Variants in DGCR8 observed in about 807,000 individuals in gnomAD.
DGCR8 encodes DGCR8 microprocessor complex subunit, also known as microprocessor complex subunit DGCR8.
Under a neutral mutation model 78.5 loss-of-function variants are expected in DGCR8, and 14 were observed. The observed-to-expected ratio is 0.18, with a 90% CI of 0.12 to 0.28. The LOEUF (loss-of-function observed/expected upper bound fraction) is 0.28, where lower values mean the gene tolerates loss of function less well. DGCR8 is among the 10% of genes least tolerant of loss of function. DGCR8 has a pLI of 1.00. For synonymous variants in DGCR8, 399 were observed against 402.4 expected, an observed-to-expected ratio of 0.99 and a Z score of 0.10; for missense variants, 702 against 1,022.5, an observed-to-expected ratio of 0.69 and a Z score of 4.28.
In DGCR8 at chr22:20,106,612, C is replaced by G; in HGVS notation, c.1910C>G (p.Thr637Arg). 1 of 1,613,628 alleles carries G rather than the reference C, an allele frequency of 6.2e-7. No individual in the cohort carries two copies. Among genetic ancestry groups the G allele is most frequent in the Non-Finnish European group, 8.5e-7 (1 of 1,179,520 alleles). Residue 637 changes from threonine (T) to arginine (R), a missense_variant, in exon 11 of 14, where the codon ACG becomes AGG. Thr to Arg is a moderately conservative substitution (Grantham distance 71). Coordinates refer to ENST00000351989, the MANE Select transcript of DGCR8 (RefSeq NM_022720.7). ...TAAAGAAACCATGGGATGGGTGACA[C>G]GTCTATCAAGTTTGAAGTGGTTCCT... ...CLKRNHGMGD[T>R]SIKFEVVPGK...
intron 9 of DGCR8, among the ~76,000 whole-genome samples, chr22:20,104,490 T>C (rs1289116237): frequency 6.6e-6 from 1 of 152,198 alleles, no homozygotes; most frequent in Non-Finnish European, 1.5e-5. Flanking sequence ...TGCCAGAAAC[T>C]TCTGAGCGTG....
Position 20,086,275 on chromosome 22 carries a change from G to C in DGCR8, c.312G>C (p.Ala104=), listed in dbSNP as rs1012463946. 2.5e-6 allele frequency: 4 copies of C among 1,614,028 alleles called. No individual in the cohort carries two copies. The African/African-American group carries it at 4.0e-5, about 16-fold the overall frequency. ...CGCGCACCGCCCGGCACGCACCTGC[G>C]GTCCGGAAGTTCTCCCCTGACCTTA... ...HSPRTARHAP[A]VRKFSPDLKL... The change falls in exon 2 of 14, where the codon GCG becomes GCC. Residue 104 remains alanine, a synonymous_variant. Transcript: ENST00000351989. The surrounding 1 kb of genome is among the most constrained non-coding windows in gnomAD (Gnocchi z 6.4).
rs986558441 is a variant in DGCR8 at position 20,110,364 on chromosome 22, C to G, written c.*256C>G. ...GACTCAGCGACTGCACCAGTGGCAG[C>G]TGGTGACTGTGGACAGTGGTGGACC... On this transcript the variant is annotated 3_prime_UTR_variant, in exon 14 of 14. Transcript: ENST00000351989. 9.9e-6 allele frequency: 5 copies of G among 506,188 alleles called. No individual in the cohort carries two copies. The highest frequency in any genetic ancestry group is 5.8e-5 in the African/African-American group (3 of 51,590). The allele number at this position is 506,188 out of a possible 1,614,324, so 31.4% of individuals were successfully genotyped here. A position where few individuals can be genotyped will look rare whatever the true frequency, so the allele number is the denominator to read the frequency against.
Position 20,080,316 on chromosome 22 carries a change from T to A in DGCR8, c.-345T>A. ...CAGGCTTTCCAGATGGCTGCGGCGG[T>A]CGGTCGGTGAGGCTTTCCCGGCTGT... On this transcript the variant is annotated 5_prime_UTR_variant, in exon 1 of 14. Transcript: ENST00000351989. 2.0e-6 allele frequency: 2 copies of A among 980,454 alleles called. No individual in the cohort carries two copies. The highest frequency in any genetic ancestry group is 2.4e-6 in the Non-Finnish European group (2 of 828,062). 60.7% of individuals were successfully genotyped at this position (980,454 alleles called of 1,614,324 possible).
At chr22:20,098,504 T>C (rs2049657306) in intron 9 of DGCR8, among the ~76,000 whole-genome samples, 1 of 152,220 alleles carries the variant, frequency 6.6e-6, no homozygotes, top group East Asian at 1.9e-4. Context: ...ATATGGCAAC[T>C]CTGGAAATCA....
Position 20,106,585 on chromosome 22 carries a change from C to T in DGCR8, c.1890-7C>T, listed in dbSNP as rs752224386. 4.3e-6 allele frequency: 7 copies of T among 1,609,256 alleles called. No homozygotes were observed. The South Asian group carries it at 7.7e-5, about 18-fold the overall frequency. ...GGACGCCATCTGTTGTCTGTTTTCT[C>T]TTAAAGAAACCATGGGATGGGTGAC... On this transcript the variant is annotated splice_polypyrimidine_tract_variant and splice_region_variant and intron_variant, in intron 10 of 13. Coordinates refer to ENST00000351989, the MANE Select transcript of DGCR8 (RefSeq NM_022720.7).
chr22:20,103,680 CCCT>C (rs1014992974), intron 9 of DGCR8, among the ~76,000 whole-genome samples: 3 of 152,042 alleles, frequency 2.0e-5, no homozygotes, highest in African/African-American at 7.2e-5. Context: ...TGGGAAGTAG[CCCT>C]CCTCCTGAGT....
At chr22:20,101,599 T>C (rs1377799793) in intron 9 of DGCR8, 7 of 985,092 alleles carry the variant, frequency 7.1e-6, no homozygotes, top group Non-Finnish European at 8.4e-6. Context: ...AATGTATATA[T>C]GTCATCTGTG....
At chr22:20,092,466 A>C (rs1022705841) in intron 7 of DGCR8, among the ~76,000 whole-genome samples, 1 of 152,102 alleles carries the variant, frequency 6.6e-6, no homozygotes, top group Non-Finnish European at 1.5e-5. Context: ...TTTCTTTGGC[A>C]AGCCACATCT....
intron 5 of DGCR8, 130 bp downstream of exon 5, chr22:20,090,388 G>A: frequency 8.9e-7 from 1 of 1,120,316 alleles, no homozygotes; most frequent in Non-Finnish European, 1.2e-6. Flanking sequence ...CTCCACTGTT[G>A]GTGTGGCTGA....
Position 20,090,095 on chromosome 22 carries a change from C to G in DGCR8, c.1143C>G (p.Pro381=), listed in dbSNP as rs199716116. The change falls in exon 5 of 14, where the codon CCC becomes CCG. Residue 381 remains proline, a synonymous_variant. Coordinates refer to ENST00000351989, the MANE Select transcript of DGCR8 (RefSeq NM_022720.7). ...GTGGGGATGTGTCCCCCGTCAAGCC[C>G]CTGAGCCGATCTGCAGAGCTGGAGT... The part of the protein sequence containing the change: ...TPSGDVSPVK[P]LSRSAELEFP... 119 of 1,614,144 alleles carry G rather than the reference C, an allele frequency of 7.4e-5. No individual in the cohort carries two copies. The highest frequency in any genetic ancestry group is 1.5e-5 in the Non-Finnish European group (18 of 1,180,060).
rs556910944 is a variant in DGCR8, at chr22:20,110,237, C to T, written c.*129C>T. 9.0e-5 allele frequency: 82 copies of T among 913,832 alleles called. No homozygotes were observed. Among genetic ancestry groups the T allele is most frequent in the East Asian group, 6.6e-4 (25 of 37,956 alleles). The allele number at this position is 913,832 out of a possible 1,614,324, so 56.6% of individuals were successfully genotyped here. On this transcript the variant is annotated 3_prime_UTR_variant, in exon 14 of 14. Coordinates refer to ENST00000351989, the MANE Select transcript of DGCR8 (RefSeq NM_022720.7). ...CTTCCCTGTGGCCAACCTGTGGGCC[C>T]GGCCTTAGGGTGGAGGCTTTAGTGT...
At chr22:20,105,199 C>A (rs2049755230) in intron 9 of DGCR8, among the ~76,000 whole-genome samples, 1 of 152,198 alleles carries the variant, frequency 6.6e-6, no homozygotes, top group Non-Finnish European at 1.5e-5. Flanking sequence ...GGAGGAGGGG[C>A]AGGGCTAGTA....
chr22:20,094,828 G>C (rs373875344), intron 9 of DGCR8, 33 bp downstream of exon 9: 1 of 1,594,252 alleles, frequency 6.3e-7, no homozygotes, highest in East Asian at 2.2e-5. Context: ...GCTGGGAGCT[G>C]TGTGTGCAGT....
At position 20,111,775 on chromosome 22, in the gene DGCR8, CG is replaced by C; in HGVS notation, c.*1671del. 4.6e-6 allele frequency: 1 copy of C among 219,458 alleles called. No individual in the cohort carries two copies. The highest frequency in any genetic ancestry group is 8.6e-6 in the Non-Finnish European group (1 of 116,900). 13.6% of individuals were successfully genotyped at this position (219,458 alleles called of 1,614,324 possible). A position where few individuals can be genotyped will look rare whatever the true frequency, so the allele number is the denominator to read the frequency against. ...CGTGCACACAGCCATGCTTCAAGGCCGGGGCAGGGGAGCCTGTGCTGATGCC... is the reference window on the plus strand; with the variant it reads ...CGTGCACACAGCCATGCTTCAAGGCCGGGCAGGGGAGCCTGTGCTGATGCC... On this transcript the variant is annotated 3_prime_UTR_variant, in exon 14 of 14. Coordinates refer to ENST00000351989, the MANE Select transcript of DGCR8 (RefSeq NM_022720.7).
intron 9 of DGCR8, chr22:20,101,335 G>A (rs1437114110): frequency 1.0e-6 from 1 of 955,548 alleles, no homozygotes; most frequent in Non-Finnish European, 1.2e-6. Flanking sequence ...CCAGCACTTT[G>A]GGAGGCCGAG....
At position 20,089,550 on chromosome 22, in the gene DGCR8, C is replaced by T. The variant is rs1404636448; in HGVS notation, c.881-119C>T. 9.0e-7 allele frequency: 1 copy of T among 1,111,274 alleles called. No homozygotes were observed. Among genetic ancestry groups the T allele is most frequent in the Admixed American group, 2.0e-5 (1 of 49,814 alleles). 68.8% of individuals were successfully genotyped at this position (1,111,274 alleles called of 1,614,324 possible). On this transcript the variant is annotated intron_variant, in intron 3 of 13. Transcript: ENST00000351989. This position sits in a 1 kb window ranked among gnomAD's most constrained non-coding sequence, Gnocchi z 4.9. ...CAAGGCAGAGAGGAATTTCGATTATCTGTGAAGACCCAGTTAAACACATGC... is the reference window on the plus strand; with the variant it reads ...CAAGGCAGAGAGGAATTTCGATTATTTGTGAAGACCCAGTTAAACACATGC...
intron 10 of DGCR8, 25 bp downstream of exon 10, chr22:20,106,302 C>CT: frequency 6.4e-7 from 1 of 1,570,760 alleles, no homozygotes; most frequent in Non-Finnish European, 8.8e-7. Context: ...TGCCTCCCCC[C>CT]ATGAGTCAGG....
At chr22:20,090,981 A>G (rs529995651) in intron 5 of DGCR8, among the ~76,000 whole-genome samples, 63 of 152,216 alleles carry the variant, frequency 4.1e-4, no homozygotes, top group African/African-American at 1.5e-3. Flanking sequence ...AGGAAATGTG[A>G]CAAATGCGAG....
Sources: allele counts gnomAD v4.1 joint callset (sites outside exome capture counted in the v4.1 genomes callset), GRCh38; gene constraint gnomAD v4.1.1; non-coding constraint Gnocchi (gnomAD v3.1); transcripts MANE v1.5; gene names NCBI Gene and HGNC (gene_info 2026-07-23, HGNC 2026-07-21).